Variants in CFAP96 observed in about 807,000 individuals in gnomAD.
CFAP96 encodes the protein cilia and flagella associated protein 96.
At chr4:185,426,686 T>C in the CFAP96 span, among the ~76,000 whole-genome samples, 5 of 152,170 alleles carry the variant, frequency 3.3e-5, no homozygotes, top group Non-Finnish European at 5.9e-5. Flanking sequence ...GATTGCAGAA[T>C]ATCTGTTAAA....
At chr4:185,448,711 C>T in the CFAP96 span, among the ~76,000 whole-genome samples, 1 of 152,166 alleles carries the variant, frequency 6.6e-6, no homozygotes, top group Non-Finnish European at 1.5e-5. Flanking sequence ...CCCAACTCAT[C>T]TAATAAACAG....
chr4:185,441,709 C>T, the CFAP96 span, among the ~76,000 whole-genome samples: 2 of 150,144 alleles, frequency 1.3e-5, no homozygotes, highest in East Asian at 1.9e-4. Flanking sequence ...ATTAAAATAT[C>T]CTTTTGCATT....
chr4:185,415,830 G>A, the CFAP96 span: 1 of 1,613,528 alleles, frequency 6.2e-7, no homozygotes, highest in African/African-American at 1.3e-5. Flanking sequence ...CAGGGAGGTT[G>A]ACATTTCCAG....
At chr4:185,426,823 C>G in the CFAP96 span, among the ~76,000 whole-genome samples, 1 of 144,158 alleles carries the variant, frequency 6.9e-6, no homozygotes, top group South Asian at 2.1e-4. Context: ...CCTGCGCTCA[C>G]GAGTTCGAGG....
At chr4:185,413,486 A>G in the CFAP96 span, among the ~76,000 whole-genome samples, 2 of 152,310 alleles carry the variant, frequency 1.3e-5, no homozygotes, top group East Asian at 1.9e-4. Context: ...AAATGGGACA[A>G]GCCTTTAAAG....
chr4:185,432,335 G>A, the CFAP96 span: 1,728 of 674,146 alleles, frequency 2.6e-3, 2 homozygotes, highest in Non-Finnish European at 3.9e-3. Flanking sequence ...CTTAGGTGGA[G>A]ATAGTTGTAT....
At chr4:185,424,537 A>C in the CFAP96 span, among the ~76,000 whole-genome samples, 1 of 152,238 alleles carries the variant, frequency 6.6e-6, no homozygotes, top group East Asian at 1.9e-4. Context: ...ATTTATTCTA[A>C]GGAAACAATC....
the CFAP96 span, among the ~76,000 whole-genome samples, chr4:185,432,413 A>G: frequency 1.3e-5 from 2 of 152,222 alleles, no homozygotes; most frequent in African/African-American, 4.8e-5. Flanking sequence ...ATTTTGGATT[A>G]TCTATATCAC....
the CFAP96 span, among the ~76,000 whole-genome samples, chr4:185,408,704 C>T: frequency 6.6e-6 from 1 of 152,192 alleles, no homozygotes; most frequent in African/African-American, 2.4e-5. Context: ...GCTCCCTCTA[C>T]TTTCGGTTCC....
At chr4:185,433,288 A>C in the CFAP96 span, among the ~76,000 whole-genome samples, 1 of 151,466 alleles carries the variant, frequency 6.6e-6, no homozygotes, top group Non-Finnish European at 1.5e-5. Context: ...CCAGCTACTC[A>C]GGAGGCTGAG....
chr4:185,427,213 C>T, the CFAP96 span, among the ~76,000 whole-genome samples: 3 of 152,236 alleles, frequency 2.0e-5, no homozygotes, highest in African/African-American at 7.2e-5. Flanking sequence ...TGTCTCAGCT[C>T]CTGCCCTTGT....
chr4:185,420,270 T>TA, the CFAP96 span, among the ~76,000 whole-genome samples: 1 of 152,300 alleles, frequency 6.6e-6, no homozygotes, highest in African/African-American at 2.4e-5. Context: ...ATAGACTTTT[T>TA]AAAAAATATG....
the CFAP96 span, among the ~76,000 whole-genome samples, chr4:185,446,035 T>A: frequency 6.6e-6 from 1 of 152,022 alleles, no homozygotes; most frequent in Non-Finnish European, 1.5e-5. Flanking sequence ...GAGACGGAGT[T>A]TCTCCATGTT....
the CFAP96 span, among the ~76,000 whole-genome samples, chr4:185,444,467 T>C: frequency 6.6e-6 from 1 of 152,262 alleles, no homozygotes; most frequent in Non-Finnish European, 1.5e-5. Flanking sequence ...CTTCTCTTGA[T>C]AGACTACAAG....
chr4:185,439,925 A>T, the CFAP96 span, among the ~76,000 whole-genome samples: 2 of 144,740 alleles, frequency 1.4e-5, no homozygotes, highest in Non-Finnish European at 1.5e-5. Context: ...CATATATATG[A>T]TATATATACA....
At chr4:185,440,895 G>C in the CFAP96 span, among the ~76,000 whole-genome samples, 2 of 149,966 alleles carry the variant, frequency 1.3e-5, no homozygotes, top group Non-Finnish European at 1.5e-5. Flanking sequence ...ATAGTGTAGG[G>C]GATAATGAAG....
chr4:185,425,884 G>GC, the CFAP96 span: 1 of 1,600,512 alleles, frequency 6.2e-7, no homozygotes, highest in South Asian at 1.1e-5. Flanking sequence ...CGACGTGGCG[G>GC]TGACACGGGC....
the CFAP96 span, chr4:185,425,933 A>G: frequency 6.4e-7 from 1 of 1,560,214 alleles, no homozygotes; most frequent in Non-Finnish European, 8.7e-7. Context: ...CCGGCCCTGA[A>G]GTGGTGTCAC....
the CFAP96 span, among the ~76,000 whole-genome samples, chr4:185,440,006 TATAG>T: frequency 0.047 from 1,506 of 32,386 alleles, 24 homozygotes; most frequent in African/African-American, 0.088. Context: ...ACATATGAGA[TATAG>T]ATAATCTCAT....
Sources: gnomAD v4.1 joint callset for allele counts (sites outside exome capture counted in the v4.1 genomes callset) on GRCh38, gnomAD v4.1.1 for gene constraint, MANE v1.5 for transcripts, NCBI Gene and HGNC (gene_info 2026-07-23, HGNC 2026-07-21) for gene names.